Variants in CRYBG1 observed in about 807,000 individuals in gnomAD.
CRYBG1 encodes the protein crystallin beta-gamma domain containing 1.
CRYBG1 carries 139 observed loss-of-function variants against 189.2 expected under a neutral mutation model. That is an observed-to-expected ratio of 0.73 (90% CI 0.64 to 0.85). The LOEUF (loss-of-function observed/expected upper bound fraction) is 0.85. CRYBG1 is among the 40% of genes least tolerant of loss of function. The pLI is 0.00. For synonymous variants in CRYBG1, 1,023 were observed against 1,017.1 expected (o/e 1.01, Z -0.11); for missense variants, 2,611 against 2,675.8 (o/e 0.98, Z 0.53).
At chr6:106,507,930 T>TGA (rs1415864117) in intron 2 of CRYBG1, among the ~76,000 whole-genome samples, 1 of 152,102 alleles carries the variant, frequency 6.6e-6, no homozygotes, top group African/African-American at 2.4e-5. Context: ...TCATTTGAAA[T>TGA]GACACGAGAT....
chr6:106,365,708 A>C (rs147065120), intron 1 of CRYBG1, among the ~76,000 whole-genome samples: 1 of 131,862 alleles, frequency 7.6e-6, no homozygotes, highest in Non-Finnish European at 1.8e-5. Context: ...CAGTGAATTA[A>C]AAATTATCAC....
chr6:106,467,226 G>A (rs917641872), intron 2 of CRYBG1, among the ~76,000 whole-genome samples: 1 of 152,186 alleles, frequency 6.6e-6, no homozygotes, highest in Non-Finnish European at 1.5e-5. Context: ...ACTTTGGGAG[G>A]CTGAGGCAGG....
intron 1 of CRYBG1, among the ~76,000 whole-genome samples, chr6:106,390,584 C>T (rs999609222): frequency 1.6e-5 from 2 of 125,654 alleles, no homozygotes. Flanking sequence ...CTCTCTTGTG[C>T]ACTCCCCCTA....
intron 1 of CRYBG1, among the ~76,000 whole-genome samples, chr6:106,438,327 A>G (rs1287724791): frequency 1.3e-5 from 2 of 152,224 alleles, no homozygotes; most frequent in East Asian, 1.9e-4. Flanking sequence ...GTAGCGTGGT[A>G]TATTAGTTTC....
At chr6:106,420,454 A>C (rs113946111) in intron 1 of CRYBG1, among the ~76,000 whole-genome samples, 13 of 152,368 alleles carry the variant, frequency 8.5e-5, no homozygotes, top group African/African-American at 3.1e-4. Context: ...AAACATGTGA[A>C]AAGAGGGAGT....
chr6:106,472,083 C>T (rs1772243826), intron 2 of CRYBG1, among the ~76,000 whole-genome samples: 2 of 152,198 alleles, frequency 1.3e-5, no homozygotes, highest in South Asian at 4.1e-4. Flanking sequence ...AAAAATATCA[C>T]AGTATCCTAT....
rs563750290 is a variant in CRYBG1, at chr6:106,428,397, TA to T, written c.174-23295del. 3.5e-3 allele frequency among the ~76,000 whole-genome samples: 537 copies of T among 152,322 alleles called. 2 individuals are homozygous for T. Among genetic ancestry groups the T allele is most frequent in the African/African-American group, 0.012 (513 of 41,570 alleles). ...GGTATATTTTACTTTTCTTTTTTTT[TA>T]ATTGACTTCTTTAGACTTTCAGATC... On this transcript the variant is annotated intron_variant, in intron 1 of 21. Coordinates refer to ENST00000633556, the MANE Select transcript of CRYBG1 (RefSeq NM_001371242.2).
chr6:106,434,858 G>A (rs896855654), intron 1 of CRYBG1, among the ~76,000 whole-genome samples: 4 of 152,236 alleles, frequency 2.6e-5, no homozygotes, highest in Non-Finnish European at 4.4e-5. Context: ...TCCTGGATCA[G>A]TTTGCAAGGG....
chr6:106,566,484 T>TTTTTTTTTTA (rs1239405564), intron 21 of CRYBG1, among the ~76,000 whole-genome samples: 4 of 139,356 alleles, frequency 2.9e-5, no homozygotes, highest in Non-Finnish European at 4.6e-5. Context: ...TTTTTTTTTT[T>TTTTTTTTTTA]TTTTTGAGAC....
At chr6:106,553,894 C>T (rs568713295) in intron 16 of CRYBG1, among the ~76,000 whole-genome samples, 8 of 152,206 alleles carry the variant, frequency 5.3e-5, no homozygotes, top group East Asian at 3.9e-4. Context: ...AGGACAGGAT[C>T]GGCACTCTGC....
At chr6:106,560,437 C>G (rs572562484) in intron 18 of CRYBG1, among the ~76,000 whole-genome samples, 7 of 152,158 alleles carry the variant, frequency 4.6e-5, no homozygotes, top group Admixed American at 3.3e-4. Flanking sequence ...TTAGCACCTA[C>G]TAAGAGCTTT....
intron 2 of CRYBG1, among the ~76,000 whole-genome samples, chr6:106,489,787 C>CAAAAAAA (rs10593320): frequency 1.2e-5 from 1 of 81,672 alleles, no homozygotes; most frequent in African/African-American, 4.1e-5. Flanking sequence ...ACTCTGTGTC[C>CAAAAAAA]AAAAAAAAAA....
Position 106,521,010 on chromosome 6 carries a change from A to G in CRYBG1, c.3802A>G (p.Thr1268Ala), listed in dbSNP as rs142612305. 5.6e-6 allele frequency: 9 copies of G among 1,614,050 alleles called. No homozygotes were observed. The African/African-American group carries it at 8.0e-5, about 14-fold the overall frequency. The change falls in exon 4 of 22, where the codon ACG becomes GCG. Residue 1268 changes from threonine (T) to alanine (A), a missense_variant. Transcript: ENST00000633556. ...TGTGACATCAGTCAACACTATGACC[A>G]CGGCTTTCAGTACTTCTCAGAACGG... ...PSVTSVNTMT[T>A]AFSTSQNGSL...
chr6:106,380,361 C>T (rs1770261687), intron 1 of CRYBG1, among the ~76,000 whole-genome samples: 1 of 152,122 alleles, frequency 6.6e-6, no homozygotes, highest in Admixed American at 6.5e-5. Flanking sequence ...AAATTCAGGG[C>T]TTGGATGTGG....
At chr6:106,482,647 C>T (rs1191908222) in intron 2 of CRYBG1, among the ~76,000 whole-genome samples, 2 of 152,014 alleles carry the variant, frequency 1.3e-5, no homozygotes, top group Admixed American at 6.6e-5. Flanking sequence ...TGGTGGCGGG[C>T]ACCTGTATTC....
At position 106,569,237 on chromosome 6, in the gene CRYBG1, GTTA is replaced by G. The variant is rs778698209; in HGVS notation, c.*677_*679del. 6 of 152,234 alleles carry G rather than the reference GTTA, an allele frequency of 3.9e-5. No individual in the cohort carries two copies. Among genetic ancestry groups the G allele is most frequent in the Non-Finnish European group, 5.9e-5 (4 of 68,012 alleles). The allele number at this position is 152,234 out of a possible 1,614,324, so 9.4% of individuals were successfully genotyped here. On this transcript the variant is annotated 3_prime_UTR_variant, in exon 22 of 22. Coordinates refer to ENST00000633556, the MANE Select transcript of CRYBG1 (RefSeq NM_001371242.2). The stretch of plus-strand genomic sequence containing the variant: ...GGTAACATTTGTTAGTAGGATTTGA[GTTA>G]TTATTTTTTGAGACAGGATCTCAGG...
chr6:106,562,309 T>C (rs893482238), intron 20 of CRYBG1, among the ~76,000 whole-genome samples: 6 of 152,268 alleles, frequency 3.9e-5, no homozygotes, highest in Admixed American at 3.9e-4. Context: ...GTAGTTGTAA[T>C]ATGGAATCAT....
chr6:106,395,118 G>A (rs905641124), intron 1 of CRYBG1, among the ~76,000 whole-genome samples: 8 of 151,562 alleles, frequency 5.3e-5, no homozygotes, highest in Non-Finnish European at 1.0e-4. Flanking sequence ...TTCTAGGCTG[G>A]GCACAGTGGC....
intron 2 of CRYBG1, chr6:106,457,165 C>A (rs912489770): frequency 6.6e-6 from 1 of 152,250 alleles, no homozygotes; most frequent in Non-Finnish European, 1.5e-5. Context: ...ATTCTGGAGG[C>A]TACATCCAAG....
Sources: allele counts gnomAD v4.1 joint callset (sites outside exome capture counted in the v4.1 genomes callset), GRCh38; gene constraint gnomAD v4.1.1; transcripts MANE v1.5; gene names NCBI Gene and HGNC (gene_info 2026-07-23, HGNC 2026-07-21).